The following WDFY3 variants were observed in gnomAD, a reference collection of about 807,000 sequenced individuals.
The protein encoded by WDFY3 is WD repeat and FYVE domain-containing protein 3.
A neutral mutation model predicts 409.6 loss-of-function variants in WDFY3; 66 were observed. The observed-to-expected ratio is 0.16, with a 90% confidence interval of 0.13 to 0.20. WDFY3 has a LOEUF of 0.20. Among genes scored for constraint, WDFY3 ranks in the 10% least tolerant of loss-of-function variants. The pLI, the probability that WDFY3 is intolerant of heterozygous loss-of-function variation, is 1.00. For synonymous variants in WDFY3, 1,521 were observed against 1,537.1 expected (o/e 0.99, Z 0.25); for missense variants, 3,031 against 4,298.1 (o/e 0.71, Z 8.24).
rs750826892 is a variant in WDFY3 at position 84,743,782 on chromosome 4, A to G, written c.5991T>C (p.Ser1997=). The change falls in exon 37 of 68, where the codon TCT becomes TCC. Residue 1997 remains serine (S), a synonymous_variant. Coordinates refer to ENST00000295888, the MANE Select transcript of WDFY3 (RefSeq NM_014991.6). ...DLLLEASPER[S]TRTQQKEFQT... is the part of the protein sequence containing the mutation. ...GAAATTCTTTTTGCTGAGTTCTTGT[A>G]GACCTTTCAGGGGAAGCCTAATCAA... is the stretch of plus-strand genomic sequence containing the variant. 2 of 1,587,166 alleles carry G rather than the reference A, an allele frequency of 1.3e-6. No homozygotes were observed. Among genetic ancestry groups the G allele is most frequent in the African/African-American group, 1.3e-5 (1 of 74,340 alleles).
chr4:84,824,869 T>C (rs1423049844), intron 10 of WDFY3, among the ~76,000 whole-genome samples: 2 of 152,128 alleles, frequency 1.3e-5, no homozygotes, highest in Admixed American at 6.6e-5. Context: ...AAACAGAAAA[T>C]TTTGAGTTAT....
chr4:84,872,881 T>C (rs1034494990), intron 3 of WDFY3, among the ~76,000 whole-genome samples: 7 of 152,152 alleles, frequency 4.6e-5, no homozygotes, highest in African/African-American at 1.7e-4. Context: ...CAGGATGCAG[T>C]AGCTAAATTA....
intron 53 of WDFY3, among the ~76,000 whole-genome samples, chr4:84,705,910 C>G (rs1025949438): frequency 6.6e-6 from 1 of 152,156 alleles, no homozygotes; most frequent in African/African-American, 2.4e-5. Flanking sequence ...AGGATCAGAT[C>G]TCCCTTGTGT....
chr4:84,964,810 C>T (rs1467178001), intron 1 of WDFY3, among the ~76,000 whole-genome samples: 1 of 152,186 alleles, frequency 6.6e-6, no homozygotes, highest in African/African-American at 2.4e-5. Flanking sequence ...GCATGACCCA[C>T]TGTGACCCAC....
At chr4:84,742,646 C>T (rs759446269) in intron 37 of WDFY3, among the ~76,000 whole-genome samples, 17 of 152,146 alleles carry the variant, frequency 1.1e-4, no homozygotes, top group Non-Finnish European at 2.4e-4. Flanking sequence ...ATATCAGCAG[C>T]GGCATTAGAT....
chr4:84,765,271 T>C (rs1342556078), intron 32 of WDFY3, among the ~76,000 whole-genome samples: 3 of 152,208 alleles, frequency 2.0e-5, no homozygotes, highest in African/African-American at 4.8e-5. Flanking sequence ...TGCTCAGTTA[T>C]AGGCTGAAAA....
intron 16 of WDFY3, 23 bp downstream of exon 16, chr4:84,803,267 G>A (rs529190545): frequency 1.9e-6 from 3 of 1,574,060 alleles, no homozygotes; most frequent in South Asian, 2.4e-5. Flanking sequence ...CAGACGGGAA[G>A]GAACTAACAT....
chr4:84,737,395 A>C, intron 40 of WDFY3, 29 bp from the exon 41 acceptor site: 1 of 1,522,286 alleles, frequency 6.6e-7, no homozygotes, highest in East Asian at 2.3e-5. Context: ...AACAAACAAA[A>C]AAGTAAGCAA....
chr4:84,821,097 T>C lies in WDFY3; in HGVS notation c.1578A>G (p.Ala526=). The change falls in exon 11 of 68, where the codon GCA becomes GCG. Residue 526 remains alanine, a synonymous_variant. Coordinates refer to ENST00000295888, the MANE Select transcript of WDFY3 (RefSeq NM_014991.6). The part of the protein sequence containing the change: ...YAALLKDPTQ[A]LNEQGDSRNN... ...ACAATACTTTACCTTGTTCATTTAG[T>C]GCCTGAGTTGGATCCTTCAACAGGG... The C allele has an allele frequency of 6.2e-7, 1 of 1,607,758 alleles. No homozygotes were observed. Among genetic ancestry groups the C allele is most frequent in the South Asian group, 1.1e-5 (1 of 90,362 alleles).
intron 38 of WDFY3, 98 bp from the exon 39 acceptor site, chr4:84,740,514 G>A (rs1287640070): frequency 8.8e-7 from 1 of 1,142,106 alleles, no homozygotes; most frequent in African/African-American, 1.6e-5. Flanking sequence ...TTATATACCA[G>A]ATGCCATGCT....
chr4:84,696,388 G>A (rs1578163503), intron 57 of WDFY3, among the ~76,000 whole-genome samples: 1 of 152,128 alleles, frequency 6.6e-6, no homozygotes, highest in Non-Finnish European at 1.5e-5. Context: ...TTATATTTAT[G>A]AGAGTGAGAG....
At position 84,733,558 on chromosome 4, in the gene WDFY3, A is replaced by G; in HGVS notation, c.7045T>C (p.Cys2349Arg). Residue 2349 changes from cysteine to arginine, a missense_variant, in exon 44 of 68, where the codon TGC becomes CGC. Around this residue, in one of 16 missense-constraint regions of WDFY3, gnomAD observed 98 missense variants for 194.9 expected, o/e 0.50. Coordinates refer to ENST00000295888, the MANE Select transcript of WDFY3 (RefSeq NM_014991.6). ...YVTEEWCQIE[C>R]ELLRERGLWG... ...AGCCCCCGCTCCCTCAACAGCTCGC[A>G]CTCGATCTGACACCACTCTTCTGTC... 1 of 1,613,872 alleles carries G rather than the reference A, an allele frequency of 6.2e-7. No individual in the cohort carries two copies. Among genetic ancestry groups the G allele is most frequent in the Non-Finnish European group, 8.5e-7 (1 of 1,179,962 alleles).
intron 10 of WDFY3, among the ~76,000 whole-genome samples, chr4:84,822,432 G>A (rs1754209152): frequency 6.6e-6 from 1 of 152,170 alleles, no homozygotes; most frequent in Non-Finnish European, 1.5e-5. Context: ...GCTGGGGGCA[G>A]TAGCTCACAC....
At chr4:84,814,414 T>C (rs1269455447) in intron 13 of WDFY3, among the ~76,000 whole-genome samples, 3 of 152,204 alleles carry the variant, frequency 2.0e-5, no homozygotes, top group African/African-American at 7.2e-5. Context: ...CAGTTTTGCT[T>C]TCCTTCGTTT....
At chr4:84,705,150 G>A (rs1169608038) in intron 54 of WDFY3, among the ~76,000 whole-genome samples, 3 of 152,120 alleles carry the variant, frequency 2.0e-5, no homozygotes, top group Non-Finnish European at 2.9e-5. Context: ...ATGCAAAGCA[G>A]GAATACTTAG....
At chr4:84,921,646 ATTTTTTTTTT>A (rs747576197) in intron 2 of WDFY3, among the ~76,000 whole-genome samples, 1,477 of 78,536 alleles carry the variant, frequency 0.019, 12 homozygotes, top group Middle Eastern at 0.042. Flanking sequence ...TATTGCTTTC[ATTTTTTTTTT>A]TTTTTTTTTT....
At chr4:84,697,364 C>T (rs1253002269) in intron 56 of WDFY3, among the ~76,000 whole-genome samples, 2 of 152,122 alleles carry the variant, frequency 1.3e-5, no homozygotes, top group African/African-American at 2.4e-5. Context: ...TTGCAGTAAG[C>T]ATTCTCATTT....
chr4:84,920,027 T>C (rs1263182299), intron 2 of WDFY3, among the ~76,000 whole-genome samples: 1 of 150,872 alleles, frequency 6.6e-6, no homozygotes, highest in Non-Finnish European at 1.5e-5. Flanking sequence ...AACAGAAACA[T>C]CAAACAAATA....
intron 58 of WDFY3, among the ~76,000 whole-genome samples, chr4:84,695,304 T>A (rs1231164929): frequency 6.6e-6 from 1 of 152,128 alleles, no homozygotes; most frequent in East Asian, 1.9e-4. Flanking sequence ...AGCTATTGCG[T>A]GTCCTAGGCA....
Sources: gnomAD v4.1 joint callset for allele counts (sites outside exome capture counted in the v4.1 genomes callset) on GRCh38, gnomAD v4.1.1 for gene constraint, gnomAD v4.1.1 regional missense constraint, MANE v1.5 for transcripts, NCBI Gene and HGNC (gene_info 2026-07-23, HGNC 2026-07-21) for gene names.